Variants in GRM7 observed in about 807,000 individuals in gnomAD.
GRM7 encodes the protein metabotropic glutamate receptor 7.
GRM7 carries 35 observed loss-of-function variants against 84.5 expected under a neutral mutation model. The observed-to-expected ratio is 0.41, with a 90% CI of 0.32 to 0.55. The LOEUF is 0.55. Ranked by LOEUF, GRM7 falls within the 20% of genes least tolerant of loss-of-function variation. The probability of loss-of-function intolerance (pLI) is 0.19; values close to 1 mark genes in which losing one functional copy is unlikely to be tolerated. For synonymous variants in GRM7, 487 were observed against 455.1 expected, an observed-to-expected ratio of 1.07 and a Z score of -0.89; for missense variants, 1,003 against 1,194.6, an observed-to-expected ratio of 0.84 and a Z score of 2.36.
intron 1 of GRM7, among the ~76,000 whole-genome samples, chr3:6,904,802 C>T (rs1696510270): frequency 6.6e-6 from 1 of 152,028 alleles, no homozygotes; most frequent in South Asian, 2.1e-4. Context: ...TTCACTGCAG[C>T]CTTTACCTCC....
chr3:7,452,702 C>T lies in GRM7; in HGVS notation c.1270C>T (p.His424Tyr). Residue 424 changes from histidine (H) to tyrosine (Y), a missense_variant, in exon 6 of 10, where the codon CAC (histidine) becomes TAC (tyrosine). Physicochemically the swap from His to Tyr is moderately conservative, Grantham distance 83. This residue lies in a region of GRM7 where 910 missense variants were observed against 1,126.0 expected (regional missense o/e 0.81). Coordinates refer to ENST00000357716, the MANE Select transcript of GRM7 (RefSeq NM_000844.4). ...AVYAMAHALHHMNKDLCADYR... is the reference protein window; with the variant it reads ...AVYAMAHALHYMNKDLCADYR... Reference sequence around the variant, plus strand: ...CTATGCTATGGCTCACGCCCTTCACCACATGAACAAGGATCTCTGTGCTGA... The same window carrying T: ...CTATGCTATGGCTCACGCCCTTCACTACATGAACAAGGATCTCTGTGCTGA... 1.2e-6 allele frequency: 2 copies of T among 1,612,940 alleles called. No homozygotes were observed. The highest frequency in any genetic ancestry group is 2.2e-5 in the East Asian group (1 of 44,830).
At chr3:6,869,469 T>C (rs1695041533) in intron 1 of GRM7, among the ~76,000 whole-genome samples, 1 of 151,936 alleles carries the variant, frequency 6.6e-6, no homozygotes, top group Non-Finnish European at 1.5e-5. Flanking sequence ...ATTGCTAATT[T>C]TGAATTTTGC....
At position 7,741,446 on chromosome 3, in the gene GRM7, T is replaced by C. The variant is rs1247138726; in HGVS notation, c.*1040T>C. The stretch of plus-strand genomic sequence containing the variant: ...CAATTTAGTGGAAAAAAACAACCCT[T>C]GCTGAAAAATTCCCTCTTTCCATTC... On this transcript the variant is annotated 3_prime_UTR_variant, in exon 10 of 10. Coordinates refer to ENST00000357716, the MANE Select transcript of GRM7 (RefSeq NM_000844.4). 6.6e-6 allele frequency: 1 copy of C among 152,626 alleles called. No homozygotes were observed. Among genetic ancestry groups the C allele is most frequent in the East Asian group, 1.9e-4 (1 of 5,196 alleles). 9.5% of individuals were successfully genotyped at this position (152,626 alleles called of 1,614,324 possible).
intron 8 of GRM7, among the ~76,000 whole-genome samples, chr3:7,677,602 G>A (rs762243910): frequency 7.2e-5 from 11 of 152,126 alleles, no homozygotes; most frequent in South Asian, 6.2e-4. Flanking sequence ...ACATACTTTC[G>A]AAGTGTCACC....
chr3:7,060,437 A>C (rs74962066), intron 1 of GRM7, among the ~76,000 whole-genome samples: 1 of 151,792 alleles, frequency 6.6e-6, no homozygotes. Flanking sequence ...TGAAAAAAAC[A>C]TATGCTGTCT....
At chr3:7,171,087 G>T (rs1025952724) in intron 2 of GRM7, among the ~76,000 whole-genome samples, 1 of 152,110 alleles carries the variant, frequency 6.6e-6, no homozygotes, top group Non-Finnish European at 1.5e-5. Context: ...GCTCTAGACT[G>T]CAAGGCTTAG....
intron 6 of GRM7, among the ~76,000 whole-genome samples, chr3:7,458,685 T>C (rs1051529177): frequency 6.6e-6 from 1 of 152,200 alleles, no homozygotes; most frequent in Non-Finnish European, 1.5e-5. Flanking sequence ...CTGATGAATA[T>C]GTAGCTGGTG....
chr3:7,486,478 G>C lies in GRM7; in HGVS notation c.1515+24756G>C, dbSNP rs1410363026. Among the ~76,000 whole-genome samples, 2 of 152,158 alleles carry C rather than the reference G, an allele frequency of 1.3e-5. No homozygotes were observed. The highest frequency in any genetic ancestry group is 2.4e-5 in the African/African-American group (1 of 41,428). ...GTCATAAAGCGTACTCCTTTATGAAGGGATTAATGCAGTCACTGGGAGAGT... is the reference window on the plus strand; with the variant it reads ...GTCATAAAGCGTACTCCTTTATGAACGGATTAATGCAGTCACTGGGAGAGT... On this transcript the variant is annotated intron_variant, in intron 7 of 9. Transcript: ENST00000357716. The surrounding 1 kb of genome is among the most constrained non-coding windows in gnomAD (Gnocchi z 5.5).
At chr3:7,577,421 G>A (rs749323909) in intron 7 of GRM7, among the ~76,000 whole-genome samples, 7 of 152,154 alleles carry the variant, frequency 4.6e-5, no homozygotes, top group Non-Finnish European at 7.3e-5. Context: ...CAACCCAAGA[G>A]CTTCAGTGTA....
At chr3:7,156,155 G>A (rs1694442048) in intron 2 of GRM7, among the ~76,000 whole-genome samples, 1 of 152,164 alleles carries the variant, frequency 6.6e-6, no homozygotes, top group South Asian at 2.1e-4. Flanking sequence ...GTGCTCATAG[G>A]AGACTAAGTA....
At chr3:7,496,053 A>G (rs549922401) in intron 7 of GRM7, among the ~76,000 whole-genome samples, 4 of 152,292 alleles carry the variant, frequency 2.6e-5, no homozygotes, top group Admixed American at 2.0e-4. Context: ...CATGAAACTC[A>G]TCCTGCGTCC....
chr3:7,068,483 G>A (rs950723219), intron 1 of GRM7, among the ~76,000 whole-genome samples: 5 of 151,970 alleles, frequency 3.3e-5, no homozygotes, highest in African/African-American at 4.8e-5. Flanking sequence ...CAATACCCAT[G>A]TATTTCATGA....
intron 2 of GRM7, among the ~76,000 whole-genome samples, chr3:7,276,222 T>G (rs1208855840): frequency 2.7e-5 from 4 of 150,660 alleles, no homozygotes; most frequent in Admixed American, 2.6e-4. Context: ...TGTGTGTGTG[T>G]GTGTGTGTGT....
At chr3:7,478,367 C>T (rs967670538) in intron 7 of GRM7, among the ~76,000 whole-genome samples, 2 of 152,064 alleles carry the variant, frequency 1.3e-5, no homozygotes, top group Non-Finnish European at 2.9e-5. Flanking sequence ...TGGGTAATTG[C>T]TCATGCCATT....
At chr3:7,724,773 C>A (rs1046929682) in intron 9 of GRM7, among the ~76,000 whole-genome samples, 1 of 152,048 alleles carries the variant, frequency 6.6e-6, no homozygotes, top group South Asian at 2.1e-4. Context: ...CTTTTTGTTT[C>A]TTTAGAGACA....
At chr3:6,990,359 G>A (rs1426485382) in intron 1 of GRM7, among the ~76,000 whole-genome samples, 1 of 152,218 alleles carries the variant, frequency 6.6e-6, no homozygotes, top group South Asian at 2.1e-4. Flanking sequence ...CTTAAGGGGA[G>A]TTAGAAAATG....
At chr3:7,239,840 C>T (rs1441695751) in intron 2 of GRM7, among the ~76,000 whole-genome samples, 2 of 152,176 alleles carry the variant, frequency 1.3e-5, no homozygotes, top group Non-Finnish European at 2.9e-5. Context: ...TTTGATTCTT[C>T]ACAAGTTAGT....
intron 2 of GRM7, among the ~76,000 whole-genome samples, chr3:7,157,223 A>G (rs571440510): frequency 1.3e-5 from 2 of 152,266 alleles, no homozygotes; most frequent in African/African-American, 2.4e-5. Context: ...GTGGTCATCC[A>G]TTGGCTATAG....
At chr3:7,327,084 T>C (rs1221833687) in intron 4 of GRM7, among the ~76,000 whole-genome samples, 4 of 152,254 alleles carry the variant, frequency 2.6e-5, no homozygotes, top group Non-Finnish European at 5.9e-5. Context: ...CTATTGAAGA[T>C]GTTAATTGGT....
Sources: gnomAD v4.1 joint callset for allele counts (sites outside exome capture counted in the v4.1 genomes callset) on GRCh38, gnomAD v4.1.1 for gene constraint, gnomAD v4.1.1 regional missense constraint, Gnocchi (gnomAD v3.1) non-coding constraint, MANE v1.5 for transcripts, NCBI Gene and HGNC (gene_info 2026-07-23, HGNC 2026-07-21) for gene names.